The following ZNF273 variants were observed in gnomAD, a reference collection of about 807,000 sequenced individuals.
ZNF273 encodes the protein zinc finger protein 273.
A neutral mutation model predicts 14.9 loss-of-function variants in ZNF273; 11 were observed. That is an observed-to-expected ratio of 0.74 (90% CI 0.46 to 1.22). The LOEUF is 1.22. Ranked by LOEUF, ZNF273 falls within the 50% of genes most tolerant of loss-of-function variation. ZNF273 has a pLI of 0.00. For synonymous variants in ZNF273, 199 were observed against 223.9 expected (o/e 0.89, Z 0.99); for missense variants, 577 against 660.6 (o/e 0.87, Z 1.39).
At chr7:64,903,054 C>G (rs1055098847), upstream of ZNF273, among the ~76,000 whole-genome samples, 2 of 152,196 alleles carry the variant, frequency 1.3e-5, no homozygotes, top group African/African-American at 4.8e-5. Context: ...GTGGGTGGGC[C>G]GGGCTCAGTT....
At chr7:64,926,371 G>A (rs1404365504) in intron 3 of ZNF273, among the ~76,000 whole-genome samples, 3 of 151,650 alleles carry the variant, frequency 2.0e-5, no homozygotes, top group Non-Finnish European at 2.9e-5. Flanking sequence ...AGTTTGTTGA[G>A]CATCTTCATT....
At chr7:64,908,520 T>C (rs1793271504) in intron 1 of ZNF273, among the ~76,000 whole-genome samples, 1 of 152,220 alleles carries the variant, frequency 6.6e-6, no homozygotes. Flanking sequence ...TGCAGTGGCA[T>C]GATCTCACTG....
chr7:64,926,743 C>T (rs1296651491), intron 3 of ZNF273, among the ~76,000 whole-genome samples: 1 of 152,200 alleles, frequency 6.6e-6, no homozygotes, highest in Non-Finnish European at 1.5e-5. Flanking sequence ...CTGAAACCAA[C>T]TGTCTTGGCT....
rs1794825370 is a variant in ZNF273 at position 64,927,636 on chromosome 7, T to A, written c.326-18T>A. The A allele has an allele frequency of 6.5e-7, 1 of 1,538,766 alleles. No homozygotes were observed. The highest frequency in any genetic ancestry group is 2.3e-5 in the East Asian group (1 of 44,432). The stretch of plus-strand genomic sequence containing the variant: ...TGAGTCTAGTAAGTGGGGTAATTGT[T>A]ACTTTTATTTCTTTCAGTTGTGTGT... On this transcript the variant is annotated intron_variant, in intron 3 of 3. Coordinates refer to ENST00000476120, the MANE Select transcript of ZNF273 (RefSeq NM_021148.3).
At chr7:64,909,771 A>T (rs1484530577) in intron 1 of ZNF273, among the ~76,000 whole-genome samples, 1 of 152,014 alleles carries the variant, frequency 6.6e-6, no homozygotes, top group Non-Finnish European at 1.5e-5. Context: ...CAGTGGTTGA[A>T]CTAATTTATA....
Position 64,929,024 on chromosome 7 carries a change from G to A in ZNF273, c.1696G>A (p.Gly566Ser). ...TTCTAGACATAAAAGAAATCATATG[G>A]GTGAGAAATCCTAGAAATGTGAAGA... ...NFSRHKRNHM[G>S]EKS The change falls in exon 4 of 4, where the codon GGT becomes AGT. Residue 566 changes from glycine to serine, a missense_variant. Coordinates refer to ENST00000476120, the MANE Select transcript of ZNF273 (RefSeq NM_021148.3). 2.0e-6 allele frequency: 3 copies of A among 1,502,132 alleles called. No individual in the cohort carries two copies. The highest frequency in any genetic ancestry group is 1.3e-5 in the South Asian group (1 of 74,856). 93.1% of individuals were successfully genotyped at this position (1,502,132 alleles called of 1,614,324 possible).
chr7:64,880,773 C>T (rs1397362878), downstream of ZNF273, among the ~76,000 whole-genome samples: 2 of 152,260 alleles, frequency 1.3e-5, no homozygotes, highest in East Asian at 1.9e-4. Context: ...GCACACTACA[C>T]CCAAGAACAG....
At chr7:64,935,332 CT>C (rs1428087986), downstream of ZNF273, among the ~76,000 whole-genome samples, 2 of 152,090 alleles carry the variant, frequency 1.3e-5, no homozygotes, top group African/African-American at 4.8e-5. Context: ...GCCTTCTTGT[CT>C]TGTTCTAGCT....
intron 1 of ZNF273, among the ~76,000 whole-genome samples, chr7:64,887,121 AC>A (rs1791633423): frequency 1.3e-5 from 2 of 152,212 alleles, no homozygotes; most frequent in Admixed American, 6.5e-5. Context: ...CTTGGTTTGG[AC>A]TGAGGTCTCA....
intron 1 of ZNF273, among the ~76,000 whole-genome samples, chr7:64,914,742 C>CG: frequency 6.6e-6 from 1 of 152,108 alleles, no homozygotes; most frequent in East Asian, 1.9e-4. Flanking sequence ...AGAACAGAAA[C>CG]GGGCGGGCTT....
chr7:64,907,052 A>G (rs1793160890), intron 1 of ZNF273, among the ~76,000 whole-genome samples: 1 of 152,240 alleles, frequency 6.6e-6, no homozygotes, highest in South Asian at 2.1e-4. Flanking sequence ...ATGTTGGTTC[A>G]GACTGAGGGT....
upstream of ZNF273, among the ~76,000 whole-genome samples, chr7:64,900,052 G>A (rs1314423578): frequency 1.3e-5 from 2 of 151,896 alleles, no homozygotes; most frequent in Non-Finnish European, 2.9e-5. Context: ...CACCCTGCCT[G>A]GTTTCAAGGG....
chr7:64,878,907 C>T lies in ZNF273; in HGVS notation n.330+412C>T, dbSNP rs115684795. Among the ~76,000 whole-genome samples the T allele has an allele frequency of 9.8e-3, 1,498 of 152,316 alleles. 28 individuals are homozygous for T. The highest frequency in any genetic ancestry group is 0.032 in the African/African-American group (1,342 of 41,556). ...GGATGGCCTTCATTGAAATCCATTG[C>T]ATGACTCATTCCTTCTGAGCACTGT... is the stretch of plus-strand genomic sequence containing the variant. On this transcript the variant is annotated intron_variant and non_coding_transcript_variant, in intron 2 of 2. Coordinates refer to the ZNF273 transcript ENST00000465954.
At chr7:64,915,727 T>C (rs1793927547) in intron 1 of ZNF273, among the ~76,000 whole-genome samples, 2 of 152,226 alleles carry the variant, frequency 1.3e-5, no homozygotes, top group East Asian at 3.9e-4. Flanking sequence ...GGGGCCAGTT[T>C]ATGGCCAGAT....
At chr7:64,889,304 C>T, downstream of ZNF273, 1 of 946,300 alleles carries the variant, frequency 1.1e-6, no homozygotes, top group Non-Finnish European at 1.2e-6. The surrounding 1 kb of genome is among the most constrained non-coding windows in gnomAD (Gnocchi z 4.2). Context: ...CTCTCGCCCG[C>T]CGGTGCCTGA....
chr7:64,913,529 G>A (rs1192854079), intron 1 of ZNF273, among the ~76,000 whole-genome samples: 1 of 152,226 alleles, frequency 6.6e-6, no homozygotes, highest in African/African-American at 2.4e-5. Flanking sequence ...TTTTTCAAAT[G>A]CAGACTTATT....
At position 64,878,974 on chromosome 7, in the gene ZNF273, T is replaced by C. The variant is rs1791184240; in HGVS notation, n.331-476T>C. ...GGCAGCTGCGATACTGTTGGAACGGTGGATTCCAGTTATTTCCACCAACAT... is the reference window on the plus strand; with the variant it reads ...GGCAGCTGCGATACTGTTGGAACGGCGGATTCCAGTTATTTCCACCAACAT... On this transcript the variant is annotated intron_variant and non_coding_transcript_variant, in intron 2 of 2. Transcript: ENST00000465954. Among the ~76,000 whole-genome samples, 6 of 152,224 alleles carry C rather than the reference T, an allele frequency of 3.9e-5. No individual in the cohort carries two copies. The South Asian group carries it at 8.3e-4, about 21-fold the overall frequency.
upstream of ZNF273, among the ~76,000 whole-genome samples, chr7:64,900,448 T>A (rs974285131): frequency 6.6e-5 from 10 of 151,562 alleles, no homozygotes; most frequent in Admixed American, 6.6e-5. Flanking sequence ...GGTAAAAGAG[T>A]CCCTGGCAAG....
chr7:64,917,572 GT>G lies in ZNF273; in HGVS notation c.103-4del. The G allele has an allele frequency of 6.3e-7, 1 of 1,589,654 alleles. No individual in the cohort carries two copies. Among genetic ancestry groups the G allele is most frequent in the Admixed American group, 1.7e-5 (1 of 59,282 alleles). ...GGTAAATATGTTTTTGTGTGTGTGT[GT>G]TTTTCAGGGACCACTGACATTTAGG... On this transcript the variant is annotated splice_region_variant and splice_polypyrimidine_tract_variant and intron_variant, in intron 1 of 3. Coordinates refer to ENST00000476120, the MANE Select transcript of ZNF273 (RefSeq NM_021148.3).
Sources: allele counts gnomAD v4.1 joint callset (sites outside exome capture counted in the v4.1 genomes callset), GRCh38; gene constraint gnomAD v4.1.1; non-coding constraint Gnocchi (gnomAD v3.1); transcripts MANE v1.5; gene names NCBI Gene and HGNC (gene_info 2026-07-23, HGNC 2026-07-21).